NEURL1: variants seen among roughly 807,000 people sequenced by gnomAD.
NEURL1 encodes the protein E3 ubiquitin-protein ligase NEURL1.
Under a neutral mutation model 41.2 loss-of-function variants are expected in NEURL1, and 26 were observed. The ratio of observed to expected loss-of-function variants is 0.63; its 90% CI spans 0.46 to 0.87. The LOEUF is 0.87. NEURL1 is among the 40% of genes least tolerant of loss of function. NEURL1 has a pLI of 0.00. For synonymous variants in NEURL1, 400 were observed against 402.3 expected, an observed-to-expected ratio of 0.99 and a Z score of 0.07; for missense variants, 761 against 871.1, an observed-to-expected ratio of 0.87 and a Z score of 1.59.
In NEURL1 at chr10:103,494,485, G is replaced by A; in HGVS notation, c.85+13G>A. 6.5e-7 allele frequency: 1 copy of A among 1,538,296 alleles called. No homozygotes were observed. Among genetic ancestry groups the A allele is most frequent in the Non-Finnish European group, 8.8e-7 (1 of 1,142,018 alleles). On this transcript the variant is annotated intron_variant, in intron 1 of 5. Coordinates refer to ENST00000369780, the MANE Select transcript of NEURL1 (RefSeq NM_004210.5). ...CAGAACCTCAAAGGTAGGCTCCCCG[G>A]CCGAGCGCTGCTGGAGGACTGGGGC...
At chr10:103,525,937 T>A (rs2034450719) in intron 1 of NEURL1, among the ~76,000 whole-genome samples, 3 of 152,344 alleles carry the variant, frequency 2.0e-5, no homozygotes, top group Admixed American at 6.5e-5. Flanking sequence ...CCTAACTTGT[T>A]GAGAGTTTTT....
chr10:103,502,906 C>T (rs1231526571), intron 1 of NEURL1, among the ~76,000 whole-genome samples: 2 of 152,216 alleles, frequency 1.3e-5, no homozygotes, highest in East Asian at 1.9e-4. Context: ...CACGCTGAGC[C>T]GGTTGCTTTG....
At chr10:103,519,865 C>G (rs973944002) in intron 1 of NEURL1, among the ~76,000 whole-genome samples, 4 of 151,420 alleles carry the variant, frequency 2.6e-5, no homozygotes, top group East Asian at 1.9e-4. Flanking sequence ...TTTATTGCAG[C>G]CTTGACCCCC....
chr10:103,555,459 AC>A (rs778357758), intron 1 of NEURL1: 20 of 1,331,766 alleles, frequency 1.5e-5, no homozygotes, highest in Middle Eastern at 2.5e-4. Flanking sequence ...CCAGCCCGAG[AC>A]CGCCTGGGGA....
intron 1 of NEURL1, among the ~76,000 whole-genome samples, chr10:103,569,334 GTA>G (rs1280038459): frequency 3.9e-5 from 6 of 152,192 alleles, no homozygotes; most frequent in Non-Finnish European, 1.5e-5. Flanking sequence ...TTACTGCCGA[GTA>G]GTATTCCGTT....
At chr10:103,533,215 C>A (rs1017885001) in intron 1 of NEURL1, among the ~76,000 whole-genome samples, 10 of 152,140 alleles carry the variant, frequency 6.6e-5, no homozygotes, top group African/African-American at 2.2e-4. Context: ...GCTTGAGCCA[C>A]TGTGCCTGGC....
Position 103,584,810 on chromosome 10 carries a change from C to G in NEURL1, c.924C>G (p.Leu308=), listed in dbSNP as rs2035869099. 6 of 1,427,894 alleles carry G rather than the reference C, an allele frequency of 4.2e-6. No homozygotes were observed. Among genetic ancestry groups the G allele is most frequent in the Non-Finnish European group, 5.5e-6 (6 of 1,097,766 alleles). The allele number at this position is 1,427,894 out of a possible 1,614,324, so 88.5% of individuals were successfully genotyped here. A position where few individuals can be genotyped will look rare whatever the true frequency, so the allele number is the denominator to read the frequency against. The part of the protein sequence containing the change: ...ALRAGAHVRI[L]DEQTVARVEH... ...GCGCCGGCGCGCACGTCCGCATCCT[C>G]GACGAGCAGACGGTGGCGCGCGTGG... Residue 308 remains leucine, a synonymous_variant, in exon 4 of 6, where the codon CTC becomes CTG. Transcript: ENST00000369780.
chr10:103,526,682 T>C (rs2034466075), intron 1 of NEURL1, among the ~76,000 whole-genome samples: 2 of 151,998 alleles, frequency 1.3e-5, no homozygotes, highest in African/African-American at 4.8e-5. Context: ...CGGGTAATTT[T>C]TGTATTTTTA....
chr10:103,590,014 G>C lies in NEURL1; in HGVS notation c.1487-120G>C, dbSNP rs542719589. 16 of 1,057,640 alleles carry C rather than the reference G, an allele frequency of 1.5e-5. 1 individual carries two copies. The South Asian group carries it at 2.0e-4, about 13-fold the overall frequency. The allele number at this position is 1,057,640 out of a possible 1,614,324, so 65.5% of individuals were successfully genotyped here. A position where few individuals can be genotyped will look rare whatever the true frequency, so the allele number is the denominator to read the frequency against. On this transcript the variant is annotated intron_variant, in intron 5 of 5. Transcript: ENST00000369780. ...TGTGCCCTGGAAGTTGGGTTGTCAG[G>C]GTGAACAGGCAGATCCTGATAAATG...
chr10:103,501,590 A>G (rs969284959), intron 1 of NEURL1, among the ~76,000 whole-genome samples: 1 of 142,304 alleles, frequency 7.0e-6, no homozygotes. Context: ...CTCCCCATAA[A>G]GGAGAGGTAG....
intron 1 of NEURL1, among the ~76,000 whole-genome samples, chr10:103,541,588 G>A (rs971262317): frequency 3.3e-5 from 5 of 152,132 alleles, no homozygotes; most frequent in Non-Finnish European, 5.9e-5. Context: ...GCATTGCCTT[G>A]GAGCAAACAT....
chr10:103,584,075 G>C (rs1382799237), intron 3 of NEURL1, among the ~76,000 whole-genome samples: 1 of 152,136 alleles, frequency 6.6e-6, no homozygotes, highest in Non-Finnish European at 1.5e-5. Context: ...GTGTTTGCTG[G>C]GGGGTGGTTG....
intron 1 of NEURL1, among the ~76,000 whole-genome samples, chr10:103,514,703 C>A (rs2034158040): frequency 6.6e-6 from 1 of 152,194 alleles, no homozygotes; most frequent in Admixed American, 6.5e-5. Flanking sequence ...AACCTTGACT[C>A]TGACACTTAT....
chr10:103,562,698 G>A (rs1288744525), intron 1 of NEURL1, among the ~76,000 whole-genome samples: 1 of 152,194 alleles, frequency 6.6e-6, no homozygotes, highest in Non-Finnish European at 1.5e-5. Context: ...GGGGGCTGAT[G>A]GGGTCCTCAA....
chr10:103,544,377 A>G (rs568654752), intron 1 of NEURL1, among the ~76,000 whole-genome samples: 3 of 152,310 alleles, frequency 2.0e-5, no homozygotes, highest in East Asian at 1.9e-4. Flanking sequence ...GTTTCCCACC[A>G]GACCCTGGTG....
At chr10:103,533,743 A>T (rs185321117) in intron 1 of NEURL1, among the ~76,000 whole-genome samples, 4 of 152,128 alleles carry the variant, frequency 2.6e-5, no homozygotes, top group Admixed American at 1.3e-4. Flanking sequence ...TCACCGTGTT[A>T]GCCAGGATGG....
intron 1 of NEURL1, among the ~76,000 whole-genome samples, chr10:103,522,424 G>T (rs996460166): frequency 6.7e-6 from 1 of 150,244 alleles, no homozygotes; most frequent in East Asian, 2.0e-4. Context: ...CCTGACCAAC[G>T]TGAAGAAACC....
intron 3 of NEURL1, among the ~76,000 whole-genome samples, chr10:103,580,117 G>T (rs559279240): frequency 6.6e-5 from 10 of 152,154 alleles, no homozygotes; most frequent in African/African-American, 2.4e-4. Flanking sequence ...TAGAGGAGGG[G>T]AAACACATGG....
chr10:103,514,546 G>A (rs893910455), intron 1 of NEURL1, among the ~76,000 whole-genome samples: 3 of 152,080 alleles, frequency 2.0e-5, no homozygotes, highest in African/African-American at 7.2e-5. Context: ...TGCAGGGTCT[G>A]GCCCCTCAGA....
Sources: gnomAD v4.1 joint callset for allele counts (sites outside exome capture counted in the v4.1 genomes callset) on GRCh38, gnomAD v4.1.1 for gene constraint, MANE v1.5 for transcripts, NCBI Gene and HGNC (gene_info 2026-07-23, HGNC 2026-07-21) for gene names.